Variants in SDK1 observed in about 807,000 individuals in gnomAD.
The protein encoded by SDK1 is sidekick cell adhesion molecule 1, also known as protein sidekick-1.
A neutral mutation model predicts 245.5 loss-of-function variants in SDK1; 157 were observed. The observed-to-expected ratio is 0.64, with a 90% CI of 0.56 to 0.73. The LOEUF (loss-of-function observed/expected upper bound fraction) is 0.73, where lower values mean the gene tolerates loss of function less well. Ranked by LOEUF, SDK1 falls within the 30% of genes least tolerant of loss-of-function variation. SDK1 has a pLI of 0.00. For synonymous variants in SDK1, 1,647 were observed against 1,278.5 expected (o/e 1.29, Z -6.15); for missense variants, 3,583 against 3,002.3 (o/e 1.19, Z -4.52).
intron 4 of SDK1, among the ~76,000 whole-genome samples, chr7:3,753,853 T>G (rs1779844277): frequency 6.6e-6 from 1 of 152,230 alleles, no homozygotes; most frequent in Admixed American, 6.5e-5. Flanking sequence ...ACTGTCCTTA[T>G]TTTCTTCTTT....
chr7:3,602,297 G>A (rs921215354), intron 1 of SDK1, among the ~76,000 whole-genome samples: 1 of 151,124 alleles, frequency 6.6e-6, no homozygotes, highest in Non-Finnish European at 1.5e-5. Context: ...CCCACCAACA[G>A]TGTAAAAGTG....
chr7:3,816,047 C>T (rs1464291098), intron 4 of SDK1, among the ~76,000 whole-genome samples: 42 of 141,238 alleles, frequency 3.0e-4, no homozygotes, highest in Non-Finnish European at 5.2e-4. Flanking sequence ...TTGAAACCAA[C>T]GAGAACAAAG....
At chr7:3,922,594 T>C (rs1035725242) in intron 5 of SDK1, among the ~76,000 whole-genome samples, 5 of 152,222 alleles carry the variant, frequency 3.3e-5, no homozygotes, top group Admixed American at 2.6e-4. Flanking sequence ...CATTCTGTTA[T>C]TGTGTTTAAT....
chr7:3,811,426 C>T (rs112744451), intron 4 of SDK1, among the ~76,000 whole-genome samples: 2 of 152,314 alleles, frequency 1.3e-5, no homozygotes, highest in African/African-American at 4.8e-5. Flanking sequence ...TCTCTGCAGA[C>T]CACATTAGAT....
intron 5 of SDK1, among the ~76,000 whole-genome samples, chr7:3,906,634 T>G (rs1778949279): frequency 7.2e-6 from 1 of 138,180 alleles, no homozygotes; most frequent in Non-Finnish European, 1.6e-5. Context: ...TTTTTTTTTT[T>G]TTTTTTTTTT....
At chr7:3,539,903 C>G (rs981635697) in intron 1 of SDK1, among the ~76,000 whole-genome samples, 1 of 152,190 alleles carries the variant, frequency 6.6e-6, no homozygotes, top group African/African-American at 2.4e-5. Context: ...AGGGCACATG[C>G]CTCATCTGAT....
chr7:4,050,961 CTA>C (rs1186183875), intron 18 of SDK1, among the ~76,000 whole-genome samples: 1 of 137,066 alleles, frequency 7.3e-6, no homozygotes, highest in African/African-American at 2.8e-5. Context: ...ATTATATATA[CTA>C]TATATGTTAT....
At chr7:4,054,521 T>C (rs919810097) in intron 19 of SDK1, among the ~76,000 whole-genome samples, 7 of 152,232 alleles carry the variant, frequency 4.6e-5, no homozygotes, top group African/African-American at 1.7e-4. Flanking sequence ...AATCAAGATC[T>C]TGAATGTTTC....
chr7:3,954,191 C>T (rs1327253720), intron 7 of SDK1, among the ~76,000 whole-genome samples: 2 of 151,496 alleles, frequency 1.3e-5, no homozygotes, highest in East Asian at 1.9e-4. Flanking sequence ...GGCACCACCC[C>T]GCCACTGGCT....
rs553543687 is a variant in SDK1, at chr7:3,555,873, C to T, written c.299-63207C>T. 3.3e-5 allele frequency among the ~76,000 whole-genome samples: 5 copies of T among 152,244 alleles called. No individual in the cohort carries two copies. The East Asian group carries it at 9.6e-4, about 29-fold the overall frequency. ...AAACCATTATACAACAAGGTATCAT[C>T]TCACTCCAGTTAAAATGGCTTTTAT... On this transcript the variant is annotated intron_variant, in intron 1 of 44. Transcript: ENST00000404826.
In SDK1 at chr7:3,687,085, A is replaced by ACG. The variant is rs1267455572; in HGVS notation, c.713+44981_713+44982insGC. Among the ~76,000 whole-genome samples the ACG allele has an allele frequency of 9.2e-4, 139 of 151,768 alleles. 1 individual carries two copies. The highest frequency in any genetic ancestry group is 1.5e-3 in the Non-Finnish European group (102 of 67,902). On this transcript the variant is annotated intron_variant, in intron 4 of 44. Transcript: ENST00000404826. Reference sequence around the variant, plus strand: ...CACACACACACACACACACACACACACACACACACACACACCACCCTGTAT... The same window carrying ACG: ...CACACACACACACACACACACACACACGCACACACACACACACCACCCTGTAT...
intron 5 of SDK1, among the ~76,000 whole-genome samples, chr7:3,900,240 AC>A (rs1297947273): frequency 1.1e-4 from 16 of 152,256 alleles, no homozygotes; most frequent in African/African-American, 3.9e-4. Flanking sequence ...TTTAAAATTT[AC>A]ATAAATATTT....
At chr7:3,540,696 G>C (rs951109769) in intron 1 of SDK1, among the ~76,000 whole-genome samples, 1 of 151,948 alleles carries the variant, frequency 6.6e-6, no homozygotes, top group African/African-American at 2.4e-5. Context: ...GGTGCAGTCT[G>C]TGACACTGGT....
Position 4,267,584 on chromosome 7 carries a change from G to T in SDK1, c.*2200G>T. 3.0e-6 allele frequency: 3 copies of T among 985,474 alleles called. No individual in the cohort carries two copies. The highest frequency in any genetic ancestry group is 3.6e-6 in the Non-Finnish European group (3 of 829,940). The allele number at this position is 985,474 out of a possible 1,614,324, so 61.0% of individuals were successfully genotyped here. ...AAGCGATAAATGGAGACCATGGCCA[G>T]CGCTGCTTTCTGTGCACTCTGATGA... On this transcript the variant is annotated 3_prime_UTR_variant, in exon 45 of 45. Transcript: ENST00000404826.
intron 4 of SDK1, among the ~76,000 whole-genome samples, chr7:3,817,363 C>T (rs557629262): frequency 4.6e-5 from 7 of 152,160 alleles, no homozygotes; most frequent in Admixed American, 1.3e-4. Context: ...ACAGTGTGTC[C>T]TGGTTCAGGT....
At chr7:3,659,034 G>A (rs6462215) in intron 4 of SDK1, among the ~76,000 whole-genome samples, 3,664 of 152,146 alleles carry the variant, frequency 0.024, 159 homozygotes, top group African/African-American at 0.083. Context: ...TCTACTTCTC[G>A]TCTATATGAA....
intron 35 of SDK1, among the ~76,000 whole-genome samples, chr7:4,193,394 AT>A (rs1562414333): frequency 0.053 from 6,883 of 130,524 alleles, 223 homozygotes; most frequent in Middle Eastern, 0.16. Context: ...ATATATATAT[AT>A]ATAAAGGGGA....
Position 4,258,099 on chromosome 7 carries a change from G to C in SDK1, c.6382-7025G>C, listed in dbSNP as rs113049639. On this transcript the variant is annotated intron_variant, in intron 44 of 44. Transcript: ENST00000404826. ...CACAGACCCTTCTCTTGAGACTACA[G>C]GACTTTTAGATCTTTGGCTGAGGAA... Among the ~76,000 whole-genome samples the C allele has an allele frequency of 8.6e-3, 1,312 of 152,278 alleles. 17 individuals are homozygous for C. The highest frequency in any genetic ancestry group is 0.03 in the African/African-American group (1,240 of 41,550).
chr7:3,745,713 C>A (rs559275376), intron 4 of SDK1, among the ~76,000 whole-genome samples: 3 of 152,034 alleles, frequency 2.0e-5, no homozygotes, highest in Admixed American at 6.6e-5. Context: ...TTGCCCCTGC[C>A]GTTTAACATT....
Sources: gnomAD v4.1 joint callset for allele counts (sites outside exome capture counted in the v4.1 genomes callset) on GRCh38, gnomAD v4.1.1 for gene constraint, MANE v1.5 for transcripts, NCBI Gene and HGNC (gene_info 2026-07-23, HGNC 2026-07-21) for gene names.